Variants in STPG2 observed in about 807,000 individuals in gnomAD.
STPG2 encodes sperm-tail PG-rich repeat-containing protein 2.
STPG2 carries 56 observed loss-of-function variants against 54.2 expected under a neutral mutation model. That is an observed-to-expected ratio of 1.03 (90% CI 0.83 to 1.29). The LOEUF is 1.29. Ranked by LOEUF, STPG2 falls within the 50% of genes most tolerant of loss-of-function variation. The probability of loss-of-function intolerance (pLI) is 0.00; values close to 1 mark genes in which losing one functional copy is unlikely to be tolerated. For synonymous variants in STPG2, 200 were observed against 181.8 expected (o/e 1.10, Z -0.81); for missense variants, 596 against 544.9 (o/e 1.09, Z -0.93).
chr4:97,554,902 C>T (rs898313368), downstream of STPG2, among the ~76,000 whole-genome samples: 5 of 152,094 alleles, frequency 3.3e-5, no homozygotes, highest in Admixed American at 3.3e-4. Context: ...GAATATGTCA[C>T]TTGAAATAGG....
At chr4:97,627,947 C>T (rs1734177040) in intron 10 of STPG2, among the ~76,000 whole-genome samples, 1 of 152,098 alleles carries the variant, frequency 6.6e-6, no homozygotes, top group South Asian at 2.1e-4. Flanking sequence ...TTCCCTATTC[C>T]TCTGTCTTTT....
At chr4:97,716,727 A>G (rs986749081) in intron 9 of STPG2, among the ~76,000 whole-genome samples, 1 of 151,558 alleles carries the variant, frequency 6.6e-6, no homozygotes, top group Non-Finnish European at 1.5e-5. Flanking sequence ...TAGGGGAGGG[A>G]TAATAACATT....
At chr4:97,447,584 G>C (rs566595812) in intron 4 of STPG2, among the ~76,000 whole-genome samples, 4 of 152,316 alleles carry the variant, frequency 2.6e-5, no homozygotes, top group Admixed American at 2.6e-4. Flanking sequence ...AAACGGGCAA[G>C]GTATGGTTCA....
At chr4:97,614,298 AT>A (rs10708905) in intron 10 of STPG2, among the ~76,000 whole-genome samples, 89,314 of 148,374 alleles carry the variant, frequency 0.6, 26,526 homozygotes, top group South Asian at 0.69. Flanking sequence ...CTCTAAAGAG[AT>A]TTTTTTTTTT....
intron 5 of STPG2, among the ~76,000 whole-genome samples, chr4:98,099,044 G>A (rs956961647): frequency 7.9e-5 from 12 of 151,888 alleles, no homozygotes; most frequent in African/African-American, 2.9e-4. Flanking sequence ...ATGAAGAACA[G>A]TTTAGAGGTT....
At chr4:97,998,129 T>A (rs868191725) in intron 5 of STPG2, among the ~76,000 whole-genome samples, 66 of 152,080 alleles carry the variant, frequency 4.3e-4, no homozygotes, top group African/African-American at 1.6e-3. Context: ...TCTACAAAGG[T>A]GGTCACCAAA....
In STPG2 at chr4:98,105,979, T is replaced by G; in HGVS notation, c.586A>C (p.Ile196Leu). The change falls in exon 5 of 11, where the codon ATA (isoleucine) becomes CTA (leucine). Residue 196 changes from isoleucine to leucine, a missense_variant. Physicochemically the swap from Ile to Leu is conservative, Grantham distance 5. Coordinates refer to ENST00000295268, the MANE Select transcript of STPG2 (RefSeq NM_174952.3). ...YCSFIPRLYEIIVLQEKKKRF... is the reference protein window; with the variant it reads ...YCSFIPRLYELIVLQEKKKRF... ...TTTTTTTTCTCCTGCAATACTATTA[T>G]TTCATATAGTCGTGGGATAAATGAA... 6.4e-7 allele frequency: 1 copy of G among 1,569,028 alleles called. No homozygotes were observed. Among genetic ancestry groups the G allele is most frequent in the Non-Finnish European group, 8.7e-7 (1 of 1,145,786 alleles).
At chr4:97,915,619 G>A (rs545661751) in intron 8 of STPG2, among the ~76,000 whole-genome samples, 1 of 152,158 alleles carries the variant, frequency 6.6e-6, no homozygotes, top group South Asian at 2.1e-4. Context: ...TAGAGGTCAG[G>A]AAGGCTTATG....
At chr4:97,545,441 T>A (rs1470106021) in intron 4 of STPG2, among the ~76,000 whole-genome samples, 1 of 152,106 alleles carries the variant, frequency 6.6e-6, no homozygotes, top group Non-Finnish European at 1.5e-5. Context: ...GGATTTCATA[T>A]GAATAAAAAT....
chr4:97,734,672 G>GA (rs973869983), intron 9 of STPG2, among the ~76,000 whole-genome samples: 1 of 151,702 alleles, frequency 6.6e-6, no homozygotes, highest in African/African-American at 2.4e-5. Context: ...TGTGGTGCAG[G>GA]AAAAAAAAGT....
chr4:97,466,273 T>C (rs1729786688), intron 4 of STPG2, among the ~76,000 whole-genome samples: 2 of 152,014 alleles, frequency 1.3e-5, no homozygotes, highest in East Asian at 1.9e-4. Flanking sequence ...CCTTTCTGAG[T>C]GTGTAATTAA....
At chr4:98,142,051 C>T (rs6823718) in intron 1 of STPG2, among the ~76,000 whole-genome samples, 59,867 of 151,298 alleles carry the variant, frequency 0.4, 12,060 homozygotes, top group Middle Eastern at 0.46. Flanking sequence ...CAAAGTGTCA[C>T]AGGGGGTCAT....
At chr4:97,721,674 C>A (rs1285047680) in intron 9 of STPG2, among the ~76,000 whole-genome samples, 1 of 151,892 alleles carries the variant, frequency 6.6e-6, no homozygotes, top group East Asian at 1.9e-4. Context: ...CTGAAATAAA[C>A]AAAACATATT....
At chr4:97,790,635 T>C (rs1217075944) in intron 9 of STPG2, among the ~76,000 whole-genome samples, 4 of 152,058 alleles carry the variant, frequency 2.6e-5, no homozygotes, top group African/African-American at 9.7e-5. Flanking sequence ...ACTCCCCTCC[T>C]CCCTCCTCGA....
chr4:97,494,050 G>A (rs892409303), intron 4 of STPG2, among the ~76,000 whole-genome samples: 4 of 151,384 alleles, frequency 2.6e-5, no homozygotes, highest in South Asian at 2.1e-4. Context: ...ACAAAAAAAC[G>A]TTTAAGAAAA....
At chr4:97,916,004 G>T (rs889432444) in intron 8 of STPG2, among the ~76,000 whole-genome samples, 4 of 152,182 alleles carry the variant, frequency 2.6e-5, no homozygotes, top group Admixed American at 2.6e-4. Flanking sequence ...ATATGGACGT[G>T]AGAGATATCT....
intron 5 of STPG2, among the ~76,000 whole-genome samples, chr4:97,992,760 T>C (rs563054775): frequency 6.6e-6 from 1 of 152,280 alleles, no homozygotes; most frequent in South Asian, 2.1e-4. Flanking sequence ...ATTTGTGCCA[T>C]CTATGATTTC....
At position 97,676,542 on chromosome 4, in the gene STPG2, A is replaced by AAAGGAAGGAAGG. The variant is rs70953080; in HGVS notation, c.1320+36145_1320+36156dup. 1.6e-3 allele frequency among the ~76,000 whole-genome samples: 211 copies of AAAGGAAGGAAGG among 131,302 alleles called. 2 individuals carry two copies. Among genetic ancestry groups the AAAGGAAGGAAGG allele is most frequent in the African/African-American group, 5.1e-3 (175 of 34,320 alleles). The allele number at this position is 131,302 out of a possible 152,430, so 86.1% of individuals were successfully genotyped here. A position where few individuals can be genotyped will look rare whatever the true frequency, so the allele number is the denominator to read the frequency against. On this transcript the variant is annotated intron_variant, in intron 10 of 10. Transcript: ENST00000295268. ...AAAATGCAGAAAATAGAGTTGGAAG[A>AAAGGAAGGAAGG]AAGGAAGGAAGGAAGGAAGGAAGGA...
intron 2 of STPG2, among the ~76,000 whole-genome samples, chr4:98,129,836 G>A (rs1239807783): frequency 2.0e-5 from 3 of 152,176 alleles, no homozygotes; most frequent in African/African-American, 2.4e-5. Context: ...TGTTATAAAC[G>A]TACTATCACT....
Sources: allele counts gnomAD v4.1 joint callset (sites outside exome capture counted in the v4.1 genomes callset), GRCh38; gene constraint gnomAD v4.1.1; transcripts MANE v1.5; gene names NCBI Gene and HGNC (gene_info 2026-07-23, HGNC 2026-07-21).